TMEM232: variants seen among roughly 807,000 people sequenced by gnomAD.
The protein encoded by TMEM232 is transmembrane protein 232.
In TMEM232, 80 loss-of-function variants were observed where a neutral mutation model predicts 78.8. The ratio of observed to expected loss-of-function variants is 1.01; its 90% CI spans 0.85 to 1.22. The LOEUF (loss-of-function observed/expected upper bound fraction) is 1.22. Among genes scored for constraint, TMEM232 ranks in the 50% most tolerant of loss-of-function variants. The pLI is 0.00. For synonymous variants in TMEM232, 297 were observed against 254.3 expected (o/e 1.17, Z -1.60); for missense variants, 881 against 742.2 (o/e 1.19, Z -2.17).
chr5:110,432,139 G>A (rs550769178), intron 12 of TMEM232, among the ~76,000 whole-genome samples: 1 of 151,748 alleles, frequency 6.6e-6, no homozygotes, highest in South Asian at 2.1e-4. Context: ...GAGAACTCTT[G>A]TGAGATACTA....
intron 1 of TMEM232, among the ~76,000 whole-genome samples, chr5:110,688,427 T>C (rs1011947068): frequency 2.6e-5 from 4 of 152,176 alleles, no homozygotes; most frequent in African/African-American, 7.2e-5. Flanking sequence ...AGATGTCTCC[T>C]GAGACTGGAA....
chr5:110,667,416 A>C (rs1790734961), intron 1 of TMEM232, 52 bp from the exon 2 acceptor site: 3 of 1,329,904 alleles, frequency 2.3e-6, no homozygotes, highest in Non-Finnish European at 2.0e-6. Flanking sequence ...CATAGTATCA[A>C]ACAACATGTT....
chr5:110,674,844 C>T (rs375534794), intron 1 of TMEM232, among the ~76,000 whole-genome samples: 3 of 152,200 alleles, frequency 2.0e-5, no homozygotes, highest in South Asian at 4.1e-4. Context: ...TTTTTCATTG[C>T]AACTTTAGAA....
intron 1 of TMEM232, among the ~76,000 whole-genome samples, chr5:110,736,566 C>T (rs1028363984): frequency 6.7e-6 from 1 of 150,186 alleles, no homozygotes. Flanking sequence ...TAATACTCAT[C>T]TCTAATGTAA....
intron 6 of TMEM232, 54 bp from the exon 7 acceptor site, chr5:110,625,487 G>A (rs1352659990): frequency 2.1e-6 from 3 of 1,397,868 alleles, no homozygotes; most frequent in Non-Finnish European, 2.8e-6. Flanking sequence ...TTTGCACTGT[G>A]TTTCATTTGT....
At chr5:110,665,891 CAAAA>C (rs775392111) in intron 2 of TMEM232, among the ~76,000 whole-genome samples, 695 of 63,812 alleles carry the variant, frequency 0.011, 3 homozygotes, top group African/African-American at 0.031. Flanking sequence ...CCCATCTCCA[CAAAA>C]AAAAAAAAAA....
chr5:110,640,155 A>C (rs1044981967), intron 4 of TMEM232, among the ~76,000 whole-genome samples: 1 of 152,204 alleles, frequency 6.6e-6, no homozygotes. Flanking sequence ...ATATCATTTA[A>C]ATTCTTAATA....
At chr5:110,452,134 G>A (rs1267366297) in intron 12 of TMEM232, among the ~76,000 whole-genome samples, 1 of 152,002 alleles carries the variant, frequency 6.6e-6, no homozygotes, top group Non-Finnish European at 1.5e-5. Context: ...CTGTAGTAGA[G>A]TAACAATTGT....
downstream of TMEM232, among the ~76,000 whole-genome samples, chr5:110,418,945 A>AGAT (rs1756395215): frequency 1.3e-5 from 2 of 152,194 alleles, no homozygotes; most frequent in South Asian, 4.1e-4. Flanking sequence ...ACCAATAAAA[A>AGAT]GATTACAAAT....
intron 11 of TMEM232, among the ~76,000 whole-genome samples, chr5:110,541,048 G>A (rs1773042489): frequency 6.6e-6 from 1 of 152,144 alleles, no homozygotes; most frequent in African/African-American, 2.4e-5. Context: ...TAATACAGGA[G>A]CAAGGGGAAC....
intron 12 of TMEM232, among the ~76,000 whole-genome samples, chr5:110,525,268 T>C (rs983311919): frequency 6.6e-6 from 1 of 151,452 alleles, no homozygotes; most frequent in African/African-American, 2.4e-5. Flanking sequence ...AGTATAAAAA[T>C]CAGGAAAGAG....
At chr5:110,732,831 C>T (rs1798807908) in intron 2 of TMEM232, among the ~76,000 whole-genome samples, 1 of 151,862 alleles carries the variant, frequency 6.6e-6, no homozygotes, top group East Asian at 1.9e-4. Flanking sequence ...TTTTATTTGT[C>T]AAAAAGAGAA....
chr5:110,633,401 G>C (rs1017803747), intron 5 of TMEM232, among the ~76,000 whole-genome samples: 13 of 152,100 alleles, frequency 8.5e-5, no homozygotes, highest in East Asian at 7.7e-4. Context: ...AAGAGGAAAA[G>C]AAGACAAGAA....
At chr5:110,513,094 T>C (rs1424010640) in intron 12 of TMEM232, among the ~76,000 whole-genome samples, 1 of 152,088 alleles carries the variant, frequency 6.6e-6, no homozygotes, top group African/African-American at 2.4e-5. Flanking sequence ...GTTTCACCAA[T>C]GGAAAGACAG....
chr5:110,504,386 T>G (rs775653626), intron 12 of TMEM232, among the ~76,000 whole-genome samples: 10 of 152,188 alleles, frequency 6.6e-5, no homozygotes, highest in Non-Finnish European at 1.3e-4. Flanking sequence ...ACAGCAAAGC[T>G]GCAGAATTGA....
At chr5:110,574,356 T>A (rs1330994531) in intron 10 of TMEM232, among the ~76,000 whole-genome samples, 1 of 152,090 alleles carries the variant, frequency 6.6e-6, no homozygotes, top group African/African-American at 2.4e-5. Flanking sequence ...TGATGATAGT[T>A]TGGACTTGGC....
intron 2 of TMEM232, among the ~76,000 whole-genome samples, chr5:110,732,749 G>A (rs1202183522): frequency 6.6e-6 from 1 of 152,172 alleles, no homozygotes; most frequent in Non-Finnish European, 1.5e-5. Flanking sequence ...CTCTCTTCAT[G>A]TTGCCAAATA....
At chr5:110,413,502 T>C (rs905535333) in intron 2 of TMEM232, among the ~76,000 whole-genome samples, 1 of 152,142 alleles carries the variant, frequency 6.6e-6, no homozygotes, top group Non-Finnish European at 1.5e-5. Context: ...CATATATACA[T>C]CTATCTTATT....
chr5:110,644,176 T>C (rs1377247868), intron 2 of TMEM232, among the ~76,000 whole-genome samples: 7 of 151,938 alleles, frequency 4.6e-5, no homozygotes. Flanking sequence ...CTGATTTTCA[T>C]TCCATTCTTG....
Sources: gnomAD v4.1 joint callset for allele counts (sites outside exome capture counted in the v4.1 genomes callset) on GRCh38, gnomAD v4.1.1 for gene constraint, MANE v1.5 for transcripts, NCBI Gene and HGNC (gene_info 2026-07-23, HGNC 2026-07-21) for gene names.